SEZ6L: variants seen among roughly 807,000 people sequenced by gnomAD.
SEZ6L encodes the protein seizure 6-like protein.
SEZ6L carries 37 observed loss-of-function variants against 106.2 expected under a neutral mutation model. The ratio of observed to expected loss-of-function variants is 0.35; its 90% CI spans 0.27 to 0.46. The LOEUF is 0.46. Ranked by LOEUF, SEZ6L falls within the 20% of genes least tolerant of loss-of-function variation. SEZ6L has a pLI of 1.00. For synonymous variants in SEZ6L, 541 were observed against 570.4 expected (o/e 0.95, Z 0.73); for missense variants, 1,172 against 1,332.8 (o/e 0.88, Z 1.88).
At chr22:26,327,096 C>G (rs1225074879) in intron 9 of SEZ6L, among the ~76,000 whole-genome samples, 1 of 152,058 alleles carries the variant, frequency 6.6e-6, no homozygotes, top group Non-Finnish European at 1.5e-5. Flanking sequence ...AGCGGCGACC[C>G]CAGCCACTGC....
rs146352853 is a variant in SEZ6L, at chr22:26,278,593, T to G, written c.95-13813T>G. ...CACTTAGGATATGCCTCCAGCTCCATTCATGTTGCTGCAAAGGACATGATT... is the reference window on the plus strand; with the variant it reads ...CACTTAGGATATGCCTCCAGCTCCAGTCATGTTGCTGCAAAGGACATGATT... On this transcript the variant is annotated intron_variant, in intron 1 of 16. Coordinates refer to ENST00000248933, the MANE Select transcript of SEZ6L (RefSeq NM_021115.5). Among the ~76,000 whole-genome samples the G allele has an allele frequency of 3.5e-4, 54 of 152,320 alleles. 1 individual carries two copies. The East Asian group carries it at 8.7e-3, about 25-fold the overall frequency.
At chr22:26,378,699 A>G (rs978338140) in intron 16 of SEZ6L, among the ~76,000 whole-genome samples, 1 of 152,120 alleles carries the variant, frequency 6.6e-6, no homozygotes, top group Non-Finnish European at 1.5e-5. Context: ...CAGAAGGGAG[A>G]GCATGTGCAA....
chr22:26,287,505 T>A (rs1191254820), intron 1 of SEZ6L, among the ~76,000 whole-genome samples: 1 of 152,080 alleles, frequency 6.6e-6, no homozygotes, highest in East Asian at 1.9e-4. Context: ...TGAAAAAAAA[T>A]GAGTTAATTT....
At chr22:26,350,332 A>G (rs1371445488) in intron 11 of SEZ6L, among the ~76,000 whole-genome samples, 1 of 151,448 alleles carries the variant, frequency 6.6e-6, no homozygotes, top group Non-Finnish European at 1.5e-5. Context: ...GGCTTAAGCG[A>G]TCCTCTCACC....
intron 10 of SEZ6L, among the ~76,000 whole-genome samples, chr22:26,340,872 T>C (rs936120657): frequency 1.3e-5 from 2 of 152,204 alleles, no homozygotes; most frequent in Non-Finnish European, 2.9e-5. Context: ...CTCTGAGCCT[T>C]CTTTTTGTCA....
intron 1 of SEZ6L, among the ~76,000 whole-genome samples, chr22:26,226,978 C>T (rs896578128): frequency 2.6e-5 from 4 of 152,178 alleles, no homozygotes; most frequent in Non-Finnish European, 5.9e-5. Flanking sequence ...GTCTGGTCAG[C>T]TTTGGTCCAC....
At chr22:26,345,194 G>A (rs143810428) in intron 10 of SEZ6L, among the ~76,000 whole-genome samples, 1 of 152,200 alleles carries the variant, frequency 6.6e-6, no homozygotes, top group African/African-American at 2.4e-5. Context: ...AAAAATGCAT[G>A]TTCCTGAATC....
chr22:26,344,436 T>C (rs1394176123), intron 10 of SEZ6L, among the ~76,000 whole-genome samples: 1 of 152,212 alleles, frequency 6.6e-6, no homozygotes, highest in Non-Finnish European at 1.5e-5. Context: ...ATAACTAAGC[T>C]CCATATTGTA....
chr22:26,281,409 C>G (rs1468126332), intron 1 of SEZ6L, among the ~76,000 whole-genome samples: 5 of 140,308 alleles, frequency 3.6e-5, no homozygotes, highest in Admixed American at 1.5e-4. Flanking sequence ...GAGTCTCACT[C>G]TGCCGCCCAG....
chr22:26,303,558 G>C (rs1308259915), intron 5 of SEZ6L, among the ~76,000 whole-genome samples: 2 of 152,244 alleles, frequency 1.3e-5, no homozygotes, highest in Non-Finnish European at 2.9e-5. Context: ...GCCTGAGCTT[G>C]AGTCTCAACT....
At chr22:26,236,067 T>A (rs2078949530) in intron 1 of SEZ6L, among the ~76,000 whole-genome samples, 1 of 152,328 alleles carries the variant, frequency 6.6e-6, no homozygotes, top group African/African-American at 2.4e-5. Context: ...CAACTTGAAA[T>A]CTGCATCTCA....
chr22:26,367,996 T>C lies in SEZ6L; in HGVS notation c.2794+2430T>C, dbSNP rs116941706. Among the ~76,000 whole-genome samples the C allele has an allele frequency of 1.4e-4, 21 of 152,364 alleles. No homozygotes were observed. In the East Asian group the frequency reaches 3.7e-3, roughly 27 times the overall value. On this transcript the variant is annotated intron_variant, in intron 13 of 16. Coordinates refer to ENST00000248933, the MANE Select transcript of SEZ6L (RefSeq NM_021115.5). ...AATTTGGATTCGTTTATCTGGACTT[T>C]TGAAGTGCACAATCAGTAATAGTAA... is the stretch of plus-strand genomic sequence containing the variant.
chr22:26,360,894 AAAAAAC>A (rs1178739438), intron 12 of SEZ6L, among the ~76,000 whole-genome samples: 3 of 151,344 alleles, frequency 2.0e-5, no homozygotes, highest in Admixed American at 6.6e-5. Context: ...AAAAAAAAAC[AAAAAAC>A]AAAAACAAAA....
Position 26,292,761 on chromosome 22 carries a change from G to C in SEZ6L, c.450G>C (p.Ala150=). 6.2e-7 allele frequency: 1 copy of C among 1,614,138 alleles called. No homozygotes were observed. The highest frequency in any genetic ancestry group is 1.3e-5 in the African/African-American group (1 of 75,068). ...TCCAAAGGGCAGGGTCCCAGCCAGC[G>C]TCCCAGGGCCTAGATCTCCTCTCCT... ...ATVQRAGSQP[A]SQGLDLLSSS... The change falls in exon 2 of 17, where the codon GCG becomes GCC. Residue 150 remains alanine (A), a synonymous_variant. Transcript: ENST00000248933.
chr22:26,228,266 T>C (rs886313761), intron 1 of SEZ6L, among the ~76,000 whole-genome samples: 2 of 152,178 alleles, frequency 1.3e-5, no homozygotes, highest in Non-Finnish European at 2.9e-5. Context: ...AACCATGCTC[T>C]AAAAAATGAG....
rs1010426331 is a variant in SEZ6L at position 26,246,075 on chromosome 22, G to T, written c.95-46331G>T. Among the ~76,000 whole-genome samples, 7 of 152,304 alleles carry T rather than the reference G, an allele frequency of 4.6e-5. No homozygotes were observed. In the East Asian group the frequency reaches 1.4e-3, roughly 29 times the overall value. ...ATTCTACACATATCAAGACAGGATT[G>T]CTTGTGGGTGTTGAAACTTATTAGG... On this transcript the variant is annotated intron_variant, in intron 1 of 16. Coordinates refer to ENST00000248933, the MANE Select transcript of SEZ6L (RefSeq NM_021115.5).
intron 1 of SEZ6L, among the ~76,000 whole-genome samples, chr22:26,255,920 G>A (rs2079801429): frequency 6.6e-6 from 1 of 152,202 alleles, no homozygotes; most frequent in Non-Finnish European, 1.5e-5. Context: ...ACTTACAGCT[G>A]TGAGATCTTT....
intron 15 of SEZ6L, among the ~76,000 whole-genome samples, chr22:26,376,985 A>G (rs1251017286): frequency 6.6e-6 from 1 of 152,064 alleles, no homozygotes; most frequent in Admixed American, 6.6e-5. Context: ...TCACCTTTAA[A>G]TAGATGGTCA....
At chr22:26,349,634 G>A (rs1042677051) in intron 11 of SEZ6L, among the ~76,000 whole-genome samples, 93 of 152,106 alleles carry the variant, frequency 6.1e-4, no homozygotes, top group African/African-American at 2.2e-3. Flanking sequence ...CCAAAATGCT[G>A]GGGTTACAGA....
Sources: gnomAD v4.1 joint callset for allele counts (sites outside exome capture counted in the v4.1 genomes callset) on GRCh38, gnomAD v4.1.1 for gene constraint, MANE v1.5 for transcripts, NCBI Gene and HGNC (gene_info 2026-07-23, HGNC 2026-07-21) for gene names.